Variants in DISC1 observed in about 807,000 individuals in gnomAD.
DISC1 encodes disrupted in schizophrenia 1 protein.
In DISC1, 57 loss-of-function variants were observed where a neutral mutation model predicts 84.5. The observed-to-expected ratio is 0.67, with a 90% CI of 0.55 to 0.84. DISC1 has a LOEUF of 0.84. Among genes scored for constraint, DISC1 ranks in the 40% least tolerant of loss-of-function variants. The pLI is 0.00. For synonymous variants in DISC1, 411 were observed against 415.2 expected (o/e 0.99, Z 0.12); for missense variants, 1,000 against 1,057.8 (o/e 0.95, Z 0.76).
chr1:231,834,445 T>A (rs1356927799), intron 9 of DISC1, among the ~76,000 whole-genome samples: 1 of 152,166 alleles, frequency 6.6e-6, no homozygotes, highest in Non-Finnish European at 1.5e-5. Flanking sequence ...TGTAAAAGAA[T>A]GTCTGGACGT....
intron 10 of DISC1, among the ~76,000 whole-genome samples, chr1:231,968,018 T>C (rs958256600): frequency 6.6e-6 from 1 of 152,232 alleles, no homozygotes; most frequent in African/African-American, 2.4e-5. Flanking sequence ...AACTGATATG[T>C]ATATAAAACT....
intron 9 of DISC1, among the ~76,000 whole-genome samples, chr1:231,946,614 C>A (rs1011575856): frequency 6.6e-6 from 1 of 152,052 alleles, no homozygotes; most frequent in Admixed American, 6.5e-5. Context: ...CTGGCCAGGG[C>A]AATCAGGCAA....
intron 9 of DISC1, among the ~76,000 whole-genome samples, chr1:231,931,773 T>G (rs2090674652): frequency 6.6e-6 from 1 of 151,994 alleles, no homozygotes; most frequent in South Asian, 2.1e-4. Flanking sequence ...CTCAGCTTCC[T>G]GAGTACTTGG....
intron 12 of DISC1, among the ~76,000 whole-genome samples, chr1:232,030,415 T>C (rs967598197): frequency 3.3e-5 from 5 of 152,254 alleles, no homozygotes; most frequent in African/African-American, 1.2e-4. Flanking sequence ...ATGTACATTT[T>C]TGGCATATTT....
rs376878162 is a variant in DISC1, at chr1:231,896,810, C to A, written c.1982-62018C>A. On this transcript the variant is annotated intron_variant, in intron 9 of 12. Coordinates refer to ENST00000439617, the MANE Select transcript of DISC1 (RefSeq NM_018662.3). ...ACCATGTCGTTCAGTAAATATTATA[C>A]CTGTGAAATACATCAAATAGAGGCG... Among the ~76,000 whole-genome samples, 69 of 152,160 alleles carry A rather than the reference C, an allele frequency of 4.5e-4. 1 individual carries two copies. Among genetic ancestry groups the A allele is most frequent in the African/African-American group, 1.5e-3 (61 of 41,426 alleles).
chr1:231,729,917 G>T (rs1449923207), intron 3 of DISC1, among the ~76,000 whole-genome samples: 1 of 152,152 alleles, frequency 6.6e-6, no homozygotes, highest in African/African-American at 2.4e-5. Context: ...AAAAAATAAT[G>T]ATGATGGTGG....
chr1:231,723,446 A>G (rs2070163664), intron 3 of DISC1: 3 of 985,056 alleles, frequency 3.0e-6, no homozygotes, highest in Non-Finnish European at 3.6e-6. Context: ...CTACGACCTT[A>G]CTCTTTGTGC....
chr1:231,937,082 T>C (rs1242366036), intron 9 of DISC1, among the ~76,000 whole-genome samples: 2 of 152,106 alleles, frequency 1.3e-5, no homozygotes, highest in Non-Finnish European at 2.9e-5. Context: ...CACACAGCAG[T>C]GTGAGACAAA....
chr1:231,749,094 C>G (rs2074320377), intron 3 of DISC1, among the ~76,000 whole-genome samples: 2 of 152,336 alleles, frequency 1.3e-5, no homozygotes, highest in East Asian at 1.9e-4. Flanking sequence ...GCTGCAGAGG[C>G]TGAGTGCCTG....
chr1:232,032,748 GT>G (rs1230545905), intron 12 of DISC1, among the ~76,000 whole-genome samples: 1 of 152,110 alleles, frequency 6.6e-6, no homozygotes, highest in African/African-American at 2.4e-5. Context: ...CTCTATTCTA[GT>G]TTTGGAATTT....
At position 232,026,430 on chromosome 1, in the gene DISC1, G is replaced by T. The variant is rs367717138; in HGVS notation, c.2308-5G>T. On this transcript the variant is annotated splice_polypyrimidine_tract_variant and splice_region_variant and intron_variant, in intron 11 of 12. Transcript: ENST00000439617. ...CAAGTGATCTTGTTTTCCCCCTCTC[G>T]CCAGGAATCTTACATCCTTTCTGCA... is the stretch of plus-strand genomic sequence containing the variant. 7.6e-6 allele frequency: 12 copies of T among 1,586,928 alleles called. No individual in the cohort carries two copies. Among genetic ancestry groups the T allele is most frequent in the Non-Finnish European group, 1.0e-5 (12 of 1,163,352 alleles).
chr1:231,883,945 T>C (rs1186584642), intron 9 of DISC1, among the ~76,000 whole-genome samples: 1 of 152,078 alleles, frequency 6.6e-6, no homozygotes, highest in African/African-American at 2.4e-5. Context: ...CAACCAAAGA[T>C]GGCCAGCTAA....
chr1:231,662,976 T>TAAACA (rs753409960), intron 1 of DISC1, among the ~76,000 whole-genome samples: 15 of 152,016 alleles, frequency 9.9e-5, no homozygotes, highest in East Asian at 7.8e-4. Context: ...GACTCTGTCT[T>TAAACA]AAACAAAACA....
At chr1:231,960,879 A>G (rs72762343) in intron 10 of DISC1, among the ~76,000 whole-genome samples, 7,303 of 152,280 alleles carry the variant, frequency 0.048, 289 homozygotes, top group East Asian at 0.21. Flanking sequence ...CCAACTAGAA[A>G]TTGGGATTCC....
At chr1:231,652,489 C>A (rs2060716149) in intron 1 of DISC1, among the ~76,000 whole-genome samples, 1 of 151,944 alleles carries the variant, frequency 6.6e-6, no homozygotes, top group African/African-American at 2.4e-5. Flanking sequence ...GGAAAAATAA[C>A]ACATTTACTG....
chr1:231,917,480 CA>C (rs2089719705), intron 9 of DISC1, among the ~76,000 whole-genome samples: 1 of 152,190 alleles, frequency 6.6e-6, no homozygotes, highest in Non-Finnish European at 1.5e-5. Flanking sequence ...TCAATGGCTC[CA>C]AATATAATAA....
chr1:231,920,471 A>T (rs1028403456), intron 9 of DISC1, among the ~76,000 whole-genome samples: 2 of 152,130 alleles, frequency 1.3e-5, no homozygotes, highest in African/African-American at 4.8e-5. Context: ...TTCTGGCTCT[A>T]TGCATTTGAC....
intron 8 of DISC1, among the ~76,000 whole-genome samples, chr1:231,801,980 G>A (rs1031783497): frequency 6.6e-6 from 1 of 151,826 alleles, no homozygotes; most frequent in South Asian, 2.1e-4. Flanking sequence ...CACCACGCCC[G>A]GCTAATTTTT....
chr1:232,015,795 C>T (rs754303895), intron 11 of DISC1, among the ~76,000 whole-genome samples: 14 of 152,168 alleles, frequency 9.2e-5, no homozygotes, highest in Non-Finnish European at 1.8e-4. Context: ...TAATGCCTTC[C>T]ATTCTGAATA....
Sources: gnomAD v4.1 joint callset for allele counts (sites outside exome capture counted in the v4.1 genomes callset) on GRCh38, gnomAD v4.1.1 for gene constraint, MANE v1.5 for transcripts, NCBI Gene and HGNC (gene_info 2026-07-23, HGNC 2026-07-21) for gene names.